Variants in ERCC2 observed in about 807,000 individuals in gnomAD.
ERCC2 encodes general transcription and DNA repair factor IIH helicase subunit XPD.
A neutral mutation model predicts 99.4 loss-of-function variants in ERCC2; 90 were observed. That is an observed-to-expected ratio of 0.91 (90% CI 0.76 to 1.08). ERCC2 has a LOEUF of 1.08. ERCC2 is among the 50% of genes least tolerant of loss of function. The pLI, the probability that ERCC2 is intolerant of heterozygous loss-of-function variation, is 0.00. For missense variants in ERCC2, 993 were observed against 1,038.1 expected (o/e 0.96, Z 0.60); for synonymous variants, 497 against 432.4 (o/e 1.15, Z -1.85).
In ERCC2 at chr19:45,364,310, A is replaced by G. The variant is rs372176415; in HGVS notation, c.740T>C (p.Met247Thr). The G allele has an allele frequency of 3.5e-5, 56 of 1,613,864 alleles. No individual in the cohort carries two copies. Among genetic ancestry groups the G allele is most frequent in the Non-Finnish European group, 4.5e-5 (53 of 1,180,004 alleles). The change falls in exon 9 of 23, where the codon ATG becomes ACG. Residue 247 changes from methionine (M) to threonine (T), a missense_variant. Met to Thr is a moderately conservative substitution (Grantham distance 81). Coordinates refer to ENST00000391945, the MANE Select transcript of ERCC2 (RefSeq NM_000400.4). ...GGTCCGGCGGGTGAGGTTGACGCTC[A>G]TGGAGTCGATGCAGACGTTGTCTGG... Reference protein sequence around the residue: ...HNIDNVCIDSMSVNLTRRTLD... With the variant: ...HNIDNVCIDSTSVNLTRRTLD...
Position 45,364,555 on chromosome 19 carries a change from G to C in ERCC2, c.595-8C>G, listed in dbSNP as rs201896304. 6.2e-7 allele frequency: 1 copy of C among 1,612,072 alleles called. No homozygotes were observed. Among genetic ancestry groups the C allele is most frequent in the Non-Finnish European group, 8.5e-7 (1 of 1,179,964 alleles). Reference sequence around the variant, plus strand: ...CACATTGGCATGCAGGATCTGGGGGGCCGGGGAGCAGGGTTACCAGGGCCC... The same window carrying C: ...CACATTGGCATGCAGGATCTGGGGGCCCGGGGAGCAGGGTTACCAGGGCCC... On this transcript the variant is annotated splice_polypyrimidine_tract_variant and splice_region_variant and intron_variant, in intron 7 of 22. Coordinates refer to ENST00000391945, the MANE Select transcript of ERCC2 (RefSeq NM_000400.4).
At position 45,350,021 on chromosome 19, in the gene ERCC2, A is replaced by C. The variant is rs549002327; in HGVS notation, c.*1608T>G. 1.3e-5 allele frequency: 6 copies of C among 447,398 alleles called. No homozygotes were observed. The South Asian group carries it at 1.7e-4, about 13-fold the overall frequency. The allele number at this position is 447,398 out of a possible 1,614,324, so 27.7% of individuals were successfully genotyped here. ...TACAGCAGACAGGCTCAGAAACAGG[A>C]GGCTGCCTGTCCTCCATCCCCAGGG... On this transcript the variant is annotated 3_prime_UTR_variant, in exon 23 of 23. Coordinates refer to ENST00000391945, the MANE Select transcript of ERCC2 (RefSeq NM_000400.4).
chr19:45,351,371 G>A lies in ERCC2; in HGVS notation c.*258C>T. The A allele has an allele frequency of 6.2e-7, 1 of 1,608,978 alleles. No homozygotes were observed. The highest frequency in any genetic ancestry group is 8.5e-7 in the Non-Finnish European group (1 of 1,179,950). ...AGCCCCCACTAACGTCCAGTGAACT[G>A]CGCTGGCCGCAGCTTCTTGGGAACA... On this transcript the variant is annotated 3_prime_UTR_variant, in exon 23 of 23. Transcript: ENST00000391945.
chr19:45,353,016 C>T (rs1225254773), intron 19 of ERCC2, 67 bp downstream of exon 19: 5 of 1,522,024 alleles, frequency 3.3e-6, no homozygotes, highest in African/African-American at 1.4e-5. Context: ...GAGCAGACAG[C>T]AGAGCGGGCA....
At chr19:45,353,695 G>C (rs1402938774) in intron 17 of ERCC2, among the ~76,000 whole-genome samples, 1 of 152,208 alleles carries the variant, frequency 6.6e-6, no homozygotes, top group Non-Finnish European at 1.5e-5. Flanking sequence ...TGGAGCCAAT[G>C]CAAGGACAGA....
At chr19:45,363,705 T>G in intron 11 of ERCC2, 38 bp downstream of exon 11, 1 of 1,518,938 alleles carries the variant, frequency 6.6e-7, no homozygotes, top group Non-Finnish European at 8.8e-7. Context: ...AACCGGGACC[T>G]GCCGGGCCCC....
chr19:45,356,224 A>T (rs936595674), intron 15 of ERCC2, among the ~76,000 whole-genome samples: 1 of 152,110 alleles, frequency 6.6e-6, no homozygotes, highest in Non-Finnish European at 1.5e-5. Flanking sequence ...GCAACCTCAC[A>T]CAACCACCAT....
chr19:45,361,773 G>T, intron 11 of ERCC2, 131 bp from the exon 12 acceptor site: 1 of 751,504 alleles, frequency 1.3e-6, no homozygotes, highest in Non-Finnish European at 2.4e-6. Flanking sequence ...GGTGGGCACT[G>T]GGCCTGTTTT....
Position 45,350,286 on chromosome 19 carries a change from A to G in ERCC2, c.*1343T>C, listed in dbSNP as rs1396269390. 5.3e-6 allele frequency: 7 copies of G among 1,320,754 alleles called. No individual in the cohort carries two copies. Among genetic ancestry groups the G allele is most frequent in the Non-Finnish European group, 6.4e-6 (6 of 936,140 alleles). 81.8% of individuals were successfully genotyped at this position (1,320,754 alleles called of 1,614,324 possible). A position where few individuals can be genotyped will look rare whatever the true frequency, so the allele number is the denominator to read the frequency against. ...AAAAAAAAAAAAAAGGCGGGACTGG[A>G]TGCAGTGTTGGGAACTGGGGTCCGA... On this transcript the variant is annotated 3_prime_UTR_variant, in exon 23 of 23. Coordinates refer to ENST00000391945, the MANE Select transcript of ERCC2 (RefSeq NM_000400.4).
rs374379149 is a variant in ERCC2 at position 45,352,512 on chromosome 19, G to A, written c.2040C>T (p.Ala680=). Residue 680 remains alanine (A), a synonymous_variant, in exon 21 of 23, where the codon GCC becomes GCT. Coordinates refer to ENST00000391945, the MANE Select transcript of ERCC2 (RefSeq NM_000400.4). ...GGCACCCCTGAAGCTGCACCTTGTC[G>A]GCAAAGACCATGAGGCCGTAGTCCG... ...GKTDYGLMVF[A]DKRFARGDKR... is the part of the protein sequence containing the mutation. The A allele has an allele frequency of 7.7e-5, 125 of 1,614,144 alleles. No individual in the cohort carries two copies. The highest frequency in any genetic ancestry group is 3.3e-4 in the Middle Eastern group (2 of 6,062).
chr19:45,353,875 G>A (rs1183584240), intron 17 of ERCC2, among the ~76,000 whole-genome samples: 1 of 152,212 alleles, frequency 6.6e-6, no homozygotes, highest in African/African-American at 2.4e-5. Context: ...AGACCTGGAT[G>A]TGAAAGCTAA....
At chr19:45,369,270 T>C (rs1262449558) in intron 2 of ERCC2, 123 bp from the exon 3 acceptor site, 1 of 786,856 alleles carries the variant, frequency 1.3e-6, no homozygotes, top group African/African-American at 1.7e-5. Context: ...ACAGCAGCAG[T>C]TAAGATTGGG....
rs1367290404 is a variant in ERCC2 at position 45,364,095 on chromosome 19, G to A, written c.840C>T (p.Arg280=). ...CCAGACGCCGGTACTCGTCCCGCAG[G>A]CGCTGCTCGTCTGTCTCTTTGATCC... The part of the protein sequence containing the change: ...VLRIKETDEQ[R]LRDEYRRLVE... Residue 280 remains arginine (R), a synonymous_variant, in exon 10 of 23, where the codon CGC becomes CGT. Coordinates refer to ENST00000391945, the MANE Select transcript of ERCC2 (RefSeq NM_000400.4). 1.2e-6 allele frequency: 2 copies of A among 1,606,676 alleles called. No homozygotes were observed. Among genetic ancestry groups the A allele is most frequent in the Non-Finnish European group, 1.7e-6 (2 of 1,177,194 alleles).
In ERCC2 at chr19:45,355,356, C is replaced by CA. The variant is rs559836605; in HGVS notation, c.1543+308dup. Among the ~76,000 whole-genome samples the CA allele has an allele frequency of 2.0e-3, 304 of 151,968 alleles. 1 individual carries two copies. Among genetic ancestry groups the CA allele is most frequent in the Non-Finnish European group, 3.1e-3 (213 of 67,986 alleles). On this transcript the variant is annotated intron_variant, in intron 16 of 22. Coordinates refer to ENST00000391945, the MANE Select transcript of ERCC2 (RefSeq NM_000400.4). ...TAGGCAACAGAGCAAGACTCTGTCT[C>CA]AAAAAAAGGCCATGTGTCACTTCCA...
rs1267454417 is a variant in ERCC2 at position 45,363,969 on chromosome 19, G to A, written c.949+17C>T. ...GGCGGGAAAGGGACTGGGGGGCAGC[G>A]GGGGGTCGGGGCTCACCCTGCAGCA... is the stretch of plus-strand genomic sequence containing the variant. On this transcript the variant is annotated intron_variant, in intron 10 of 22. Transcript: ENST00000391945. The A allele has an allele frequency of 1.3e-5, 20 of 1,537,276 alleles. No individual in the cohort carries two copies. Among genetic ancestry groups the A allele is most frequent in the Admixed American group, 2.0e-5 (1 of 51,020 alleles).
intron 12 of ERCC2, among the ~76,000 whole-genome samples, chr19:45,361,083 A>T (rs113118498): frequency 2.0e-5 from 3 of 151,624 alleles, no homozygotes; most frequent in African/African-American, 7.3e-5. Flanking sequence ...GTGAGCCAAG[A>T]TCACACCACT....
Position 45,351,431 on chromosome 19 carries a change from G to C in ERCC2, c.*198C>G. The C allele has an allele frequency of 6.3e-7, 1 of 1,590,286 alleles. No homozygotes were observed. The highest frequency in any genetic ancestry group is 8.5e-7 in the Non-Finnish European group (1 of 1,171,486). On this transcript the variant is annotated 3_prime_UTR_variant, in exon 23 of 23. Transcript: ENST00000391945. Reference sequence around the variant, plus strand: ...GGATGGGCTGGTGGGGTGAGAGGGGGTCTATCATCTCCTGGCCCCCCCTTG... The same window carrying C: ...GGATGGGCTGGTGGGGTGAGAGGGGCTCTATCATCTCCTGGCCCCCCCTTG...
intron 6 of ERCC2, 28 bp downstream of exon 6, chr19:45,365,013 TC>T (rs1460762899): frequency 6.2e-7 from 1 of 1,609,742 alleles, no homozygotes; most frequent in Non-Finnish European, 8.5e-7. Flanking sequence ...CTGTCCTGCC[TC>T]CCTCCCTCAG....
Position 45,355,526 on chromosome 19 carries a change from G to A in ERCC2, c.1543+139C>T, listed in dbSNP as rs538736577. The A allele has an allele frequency of 3.8e-5, 31 of 818,516 alleles. 1 individual carries two copies. The highest frequency in any genetic ancestry group is 2.8e-4 in the South Asian group (20 of 71,154). 50.7% of individuals were successfully genotyped at this position (818,516 alleles called of 1,614,324 possible). ...AGGCCCCTACCAGCTCACAGTGGACGTGTACCACGGGCAAGAAGGAAACTC... is the reference window on the plus strand; with the variant it reads ...AGGCCCCTACCAGCTCACAGTGGACATGTACCACGGGCAAGAAGGAAACTC... On this transcript the variant is annotated intron_variant, in intron 16 of 22. Coordinates refer to ENST00000391945, the MANE Select transcript of ERCC2 (RefSeq NM_000400.4).
Sources: gnomAD v4.1 joint callset for allele counts (sites outside exome capture counted in the v4.1 genomes callset) on GRCh38, gnomAD v4.1.1 for gene constraint, MANE v1.5 for transcripts, NCBI Gene and HGNC (gene_info 2026-07-23, HGNC 2026-07-21) for gene names.